C1orf21: variants seen among roughly 807,000 people sequenced by gnomAD.
C1orf21 encodes the protein uncharacterized protein C1orf21.
Under a neutral mutation model 18.7 loss-of-function variants are expected in C1orf21, and 3 were observed. The observed-to-expected ratio is 0.16, with a 90% CI of 0.07 to 0.42. C1orf21 has a LOEUF of 0.42. C1orf21 is among the 10% of genes least tolerant of loss of function. The pLI is 0.99. For synonymous variants in C1orf21, 41 were observed against 46.4 expected (o/e 0.88, Z 0.47); for missense variants, 104 against 143.6 (o/e 0.72, Z 1.41).
chr1:184,454,163 A>G (rs1657161126), intron 1 of C1orf21, among the ~76,000 whole-genome samples: 1 of 152,244 alleles, frequency 6.6e-6, no homozygotes, highest in Non-Finnish European at 1.5e-5. Flanking sequence ...ACTGAAACTG[A>G]GAATCAAAGG....
At chr1:184,536,277 C>T (rs1347324778) in intron 3 of C1orf21, among the ~76,000 whole-genome samples, 2 of 152,130 alleles carry the variant, frequency 1.3e-5, no homozygotes, top group Non-Finnish European at 2.9e-5. Flanking sequence ...ACTCTAAGAG[C>T]TGGGTGGGAA....
At chr1:184,470,372 A>AG (rs1657477130) in intron 1 of C1orf21, among the ~76,000 whole-genome samples, 1 of 152,056 alleles carries the variant, frequency 6.6e-6, no homozygotes, top group Non-Finnish European at 1.5e-5. Context: ...AGTCCAGAAA[A>AG]AAAAGGGGGA....
At chr1:184,441,606 G>A (rs1445132070) in intron 1 of C1orf21, among the ~76,000 whole-genome samples, 6 of 152,104 alleles carry the variant, frequency 3.9e-5, no homozygotes, top group East Asian at 1.9e-4. Context: ...TTTAAGTCTC[G>A]TACCACAGTG....
intron 3 of C1orf21, among the ~76,000 whole-genome samples, chr1:184,552,842 A>G (rs556696738): frequency 1.3e-5 from 2 of 152,352 alleles, no homozygotes; most frequent in Admixed American, 6.5e-5. Context: ...ATTTTCTACA[A>G]TGAAATATTG....
chr1:184,490,421 C>A (rs1450311504), intron 2 of C1orf21, among the ~76,000 whole-genome samples: 1 of 152,126 alleles, frequency 6.6e-6, no homozygotes, highest in East Asian at 1.9e-4. Context: ...AATATGAATA[C>A]CAGCCAAAGG....
At chr1:184,556,070 C>A (rs1288754728) in intron 3 of C1orf21, among the ~76,000 whole-genome samples, 2 of 152,060 alleles carry the variant, frequency 1.3e-5, no homozygotes, top group African/African-American at 2.4e-5. Context: ...TCACCACCCC[C>A]CCAACCCCAA....
At chr1:184,493,068 T>TAGA (rs1657837999) in intron 2 of C1orf21, among the ~76,000 whole-genome samples, 1 of 152,224 alleles carries the variant, frequency 6.6e-6, no homozygotes, top group Non-Finnish European at 1.5e-5. Flanking sequence ...TAAAGGATTA[T>TAGA]ATTTCTGTGG....
At chr1:184,609,582 C>G (rs999460184) in intron 5 of C1orf21, among the ~76,000 whole-genome samples, 8 of 152,148 alleles carry the variant, frequency 5.3e-5, no homozygotes, top group African/African-American at 1.4e-4. Flanking sequence ...TCCCAGGTTT[C>G]CTGGCTTGAG....
At chr1:184,452,174 G>A (rs114980298) in intron 1 of C1orf21, among the ~76,000 whole-genome samples, 345 of 152,306 alleles carry the variant, frequency 2.3e-3, no homozygotes, top group African/African-American at 7.7e-3. Flanking sequence ...AGCTTTTGGT[G>A]GAGAGCTTAT....
chr1:184,506,306 C>A (rs1001359923), intron 2 of C1orf21, among the ~76,000 whole-genome samples: 2 of 152,102 alleles, frequency 1.3e-5, no homozygotes, highest in Non-Finnish European at 2.9e-5. Context: ...AACATTTGAA[C>A]AGCATAATTA....
chr1:184,577,609 G>A (rs1659211764), intron 3 of C1orf21, among the ~76,000 whole-genome samples: 2 of 152,162 alleles, frequency 1.3e-5, no homozygotes, highest in Non-Finnish European at 2.9e-5. Context: ...GGCACAATGA[G>A]TGTGAGAAAA....
chr1:184,419,701 G>A (rs775906247), intron 1 of C1orf21, among the ~76,000 whole-genome samples: 2 of 152,142 alleles, frequency 1.3e-5, no homozygotes, highest in Non-Finnish European at 2.9e-5. Flanking sequence ...CTAACTGGGA[G>A]GGTAACATTT....
chr1:184,553,197 A>G (rs1658836513), intron 3 of C1orf21, among the ~76,000 whole-genome samples: 1 of 152,224 alleles, frequency 6.6e-6, no homozygotes, highest in Non-Finnish European at 1.5e-5. Context: ...AGAATAGGAA[A>G]AAAACCATTT....
At position 184,467,987 on chromosome 1, in the gene C1orf21, G is replaced by GGT. The variant is rs71782493; in HGVS notation, c.-124-9375_-124-9374dup. On this transcript the variant is annotated intron_variant, in intron 1 of 5. Coordinates refer to ENST00000235307, the MANE Select transcript of C1orf21 (RefSeq NM_030806.4). ...TAGTTTTCATCTTTAGAGCTTTTAT[G>GGT]GTGTGTGTGTGTGTGTGTGTGTGTG... is the stretch of plus-strand genomic sequence containing the variant. Among the ~76,000 whole-genome samples, 563 of 149,016 alleles carry GGT rather than the reference G, an allele frequency of 3.8e-3. 1 individual carries two copies. Among genetic ancestry groups the GGT allele is most frequent in the Middle Eastern group, 0.01 (3 of 290 alleles).
At chr1:184,536,048 A>G (rs1447494026) in intron 3 of C1orf21, among the ~76,000 whole-genome samples, 1 of 152,202 alleles carries the variant, frequency 6.6e-6, no homozygotes, top group East Asian at 1.9e-4. Context: ...GGAATTGCAG[A>G]AAGAAGATTT....
At chr1:184,503,342 G>A (rs1179397897) in intron 2 of C1orf21, among the ~76,000 whole-genome samples, 1 of 151,982 alleles carries the variant, frequency 6.6e-6, no homozygotes. Context: ...ATTGATAGTG[G>A]TATATGAGGT....
chr1:184,467,686 T>A (rs1657423620), intron 1 of C1orf21, among the ~76,000 whole-genome samples: 1 of 152,214 alleles, frequency 6.6e-6, no homozygotes. Context: ...TTCTAGTGTC[T>A]CTTGTCCCTG....
At position 184,608,647 on chromosome 1, in the gene C1orf21, A is replaced by C. The variant is rs553162941; in HGVS notation, c.327+10186A>C. On this transcript the variant is annotated intron_variant, in intron 5 of 5. Coordinates refer to ENST00000235307, the MANE Select transcript of C1orf21 (RefSeq NM_030806.4). The stretch of plus-strand genomic sequence containing the variant: ...AGCCGGATAGTACCCACGGATCAGT[A>C]GTTCTGATGGCCCCAGCCTGTCACG... Among the ~76,000 whole-genome samples, 3 of 152,314 alleles carry C rather than the reference A, an allele frequency of 2.0e-5. No individual in the cohort carries two copies. In the East Asian group the frequency reaches 5.8e-4, roughly 29 times the overall value.
intron 1 of C1orf21, among the ~76,000 whole-genome samples, chr1:184,455,804 T>C (rs891501026): frequency 1.3e-5 from 2 of 152,202 alleles, no homozygotes; most frequent in African/African-American, 4.8e-5. Context: ...ATATTATGAA[T>C]ACTATTCATG....
Sources: allele counts gnomAD v4.1 joint callset (sites outside exome capture counted in the v4.1 genomes callset), GRCh38; gene constraint gnomAD v4.1.1; transcripts MANE v1.5; gene names NCBI Gene and HGNC (gene_info 2026-07-23, HGNC 2026-07-21).